The following SERPINB9 variants were observed in gnomAD, a reference collection of about 807,000 sequenced individuals.
The protein encoded by SERPINB9 is serpin family B member 9.
A neutral mutation model predicts 27.2 loss-of-function variants in SERPINB9; 20 were observed. That is an observed-to-expected ratio of 0.74 (90% CI 0.52 to 1.07). The LOEUF (loss-of-function observed/expected upper bound fraction) is 1.07. Ranked by LOEUF, SERPINB9 falls within the 50% of genes least tolerant of loss-of-function variation. The probability of loss-of-function intolerance (pLI) is 0.00; values close to 1 mark genes in which losing one functional copy is unlikely to be tolerated. For missense variants in SERPINB9, 476 were observed against 460.1 expected, an observed-to-expected ratio of 1.03 and a Z score of -0.32; for synonymous variants, 189 against 180.0, an observed-to-expected ratio of 1.05 and a Z score of -0.40.
intron 2 of SERPINB9, among the ~76,000 whole-genome samples, chr6:2,896,944 A>G (rs952505248): frequency 6.6e-6 from 1 of 151,658 alleles, no homozygotes; most frequent in Non-Finnish European, 1.5e-5. Flanking sequence ...GTTTGAGGCT[A>G]GCCTGGGCAA....
At position 2,891,490 on chromosome 6, in the gene SERPINB9, G is replaced by A. The variant is rs567260108; in HGVS notation, c.723+343C>T. Among the ~76,000 whole-genome samples the A allele has an allele frequency of 3.9e-5, 6 of 152,150 alleles. No individual in the cohort carries two copies. The highest frequency in any genetic ancestry group is 3.9e-4 in the East Asian group (2 of 5,182). On this transcript the variant is annotated intron_variant, in intron 6 of 6. Coordinates refer to ENST00000380698, the MANE Select transcript of SERPINB9 (RefSeq NM_004155.6). The surrounding 1 kb of genome is among the most constrained non-coding windows in gnomAD (Gnocchi z 4.0). Reference sequence around the variant, plus strand: ...CATAACTCTAGGAGGCAATAACCCCGAGCAGTCATTTATGCTTTTAGAGTT... The same window carrying A: ...CATAACTCTAGGAGGCAATAACCCCAAGCAGTCATTTATGCTTTTAGAGTT...
chr6:2,898,005 G>A (rs573496142), intron 2 of SERPINB9, among the ~76,000 whole-genome samples: 1 of 152,252 alleles, frequency 6.6e-6, no homozygotes, highest in East Asian at 1.9e-4. Context: ...GAACTCGGGA[G>A]TTGGAGGTCG....
chr6:2,901,689 G>A lies in SERPINB9; in HGVS notation c.-10-1068C>T, dbSNP rs546773631. The stretch of plus-strand genomic sequence containing the variant: ...GACCCTGACTCCTCCAGGTGAGCCT[G>A]GGAGACCTCCCTGACTCCTTTCCAT... On this transcript the variant is annotated intron_variant, in intron 1 of 6. Coordinates refer to ENST00000380698, the MANE Select transcript of SERPINB9 (RefSeq NM_004155.6). Among the ~76,000 whole-genome samples the A allele has an allele frequency of 1.8e-4, 28 of 152,056 alleles. No homozygotes were observed. In the South Asian group the frequency reaches 5.8e-3, roughly 32 times the overall value.
intron 2 of SERPINB9, among the ~76,000 whole-genome samples, chr6:2,897,586 T>C (rs1436300280): frequency 6.6e-6 from 1 of 152,172 alleles, no homozygotes; most frequent in African/African-American, 2.4e-5. Context: ...AGTTAAAACA[T>C]AGCATTGTTT....
At position 2,900,630 on chromosome 6, in the gene SERPINB9, G is replaced by A. The variant is rs771530250; in HGVS notation, c.-10-9C>T. ...TTTCCATGATGCAGGGCCTGGAAGG[G>A]AAGAATAAAGAGAAATGCAGTTTCC... On this transcript the variant is annotated splice_polypyrimidine_tract_variant and intron_variant, in intron 1 of 6. Coordinates refer to ENST00000380698, the MANE Select transcript of SERPINB9 (RefSeq NM_004155.6). 4.3e-6 allele frequency: 7 copies of A among 1,612,016 alleles called. No individual in the cohort carries two copies. Among genetic ancestry groups the A allele is most frequent in the Non-Finnish European group, 5.1e-6 (6 of 1,178,592 alleles).
rs757450521 is a variant in SERPINB9 at position 2,890,481 on chromosome 6, T to A, written c.813A>T (p.Lys271Asn). Residue 271 changes from lysine (K) to asparagine (N), a missense_variant, in exon 7 of 7, where the codon AAA (lysine) becomes AAT (asparagine). Transcript: ENST00000380698. This position sits in a 1 kb window ranked among gnomAD's most constrained non-coding sequence, Gnocchi z 6.2. ...TGTCATAATCCTCTTGTAGTTTAAA[T>A]TTTGGAAGGAGAACTTCAACCTCAG... is the stretch of plus-strand genomic sequence containing the variant. ...KSTEVEVLLPKFKLQEDYDME... is the reference protein window; with the variant it reads ...KSTEVEVLLPNFKLQEDYDME... The A allele has an allele frequency of 2.6e-5, 42 of 1,614,016 alleles. No individual in the cohort carries two copies. In the South Asian group the frequency reaches 4.1e-4, roughly 16 times the overall value.
At chr6:2,897,740 A>G (rs1768048034) in intron 2 of SERPINB9, among the ~76,000 whole-genome samples, 1 of 152,224 alleles carries the variant, frequency 6.6e-6, no homozygotes, top group Admixed American at 6.5e-5. Flanking sequence ...GAAAACACAC[A>G]TACATACAAA....
rs1289509851 is a variant in SERPINB9, at chr6:2,890,054, C to A, written c.*109G>T. On this transcript the variant is annotated 3_prime_UTR_variant, in exon 7 of 7. Coordinates refer to ENST00000380698, the MANE Select transcript of SERPINB9 (RefSeq NM_004155.6). This position sits in a 1 kb window ranked among gnomAD's most constrained non-coding sequence, Gnocchi z 6.2. Reference sequence around the variant, plus strand: ...TCATGAGGGCAGACAGGTAAAGAATCTGCCCTCATCTTTGCACTTGGCTTT... The same window carrying A: ...TCATGAGGGCAGACAGGTAAAGAATATGCCCTCATCTTTGCACTTGGCTTT... 9.6e-6 allele frequency: 10 copies of A among 1,046,382 alleles called. No homozygotes were observed. Among genetic ancestry groups the A allele is most frequent in the African/African-American group, 1.6e-5 (1 of 62,746 alleles). The allele number at this position is 1,046,382 out of a possible 1,614,324, so 64.8% of individuals were successfully genotyped here.
intron 1 of SERPINB9, among the ~76,000 whole-genome samples, chr6:2,902,659 A>G (rs900921320): frequency 1.2e-4 from 18 of 152,174 alleles, no homozygotes; most frequent in Non-Finnish European, 4.4e-5. Context: ...ACATTATTAC[A>G]GGCGTGGGCC....
At chr6:2,900,396 A>C in intron 2 of SERPINB9, 48 bp downstream of exon 2, 1 of 1,594,410 alleles carries the variant, frequency 6.3e-7, no homozygotes, top group South Asian at 1.1e-5. Context: ...TGGTGACAGA[A>C]CACGCAGCCC....
intron 1 of SERPINB9, among the ~76,000 whole-genome samples, chr6:2,902,153 C>G (rs889518322): frequency 9.9e-5 from 15 of 152,222 alleles, no homozygotes; most frequent in African/African-American, 3.1e-4. Flanking sequence ...CCAAAGTCAA[C>G]TCTTCACAAA....
chr6:2,901,732 C>G (rs1486650066), intron 1 of SERPINB9, among the ~76,000 whole-genome samples: 1 of 152,048 alleles, frequency 6.6e-6, no homozygotes, highest in Admixed American at 6.5e-5. Flanking sequence ...TCCTCCCCCA[C>G]ACCCATCCCC....
chr6:2,901,665 A>T (rs1211244256), intron 1 of SERPINB9, among the ~76,000 whole-genome samples: 1 of 151,868 alleles, frequency 6.6e-6, no homozygotes, highest in East Asian at 1.9e-4. Flanking sequence ...TGGAAATGAG[A>T]CCCTGACTCC....
chr6:2,891,797 G>C lies in SERPINB9; in HGVS notation c.723+36C>G, dbSNP rs1389874509. On this transcript the variant is annotated intron_variant, in intron 6 of 6. Transcript: ENST00000380698. This position sits in a 1 kb window ranked among gnomAD's most constrained non-coding sequence, Gnocchi z 4.0. ...GTGGCACTCGAGTTCTGCCCGCAAA[G>C]GTGTCCCTGGGTTCTTCCCGCAGCC... 1.7e-5 allele frequency: 27 copies of C among 1,555,064 alleles called. No homozygotes were observed. Among genetic ancestry groups the C allele is most frequent in the Non-Finnish European group, 2.3e-5 (27 of 1,159,178 alleles).
At chr6:2,901,937 C>G (rs1471195019) in intron 1 of SERPINB9, among the ~76,000 whole-genome samples, 2 of 151,928 alleles carry the variant, frequency 1.3e-5, no homozygotes, top group African/African-American at 4.9e-5. Flanking sequence ...CCCCCAGCCA[C>G]CCCCACGCCA....
chr6:2,901,134 C>T (rs1455078879), intron 1 of SERPINB9, among the ~76,000 whole-genome samples: 5 of 152,208 alleles, frequency 3.3e-5, no homozygotes, highest in Non-Finnish European at 7.3e-5. Flanking sequence ...CAGAGACAGA[C>T]AGCTGTGAGG....
At position 2,889,891 on chromosome 6, in the gene SERPINB9, TAGA is replaced by T. The variant is rs1767728673; in HGVS notation, c.*269_*271del. ...CCAGAGTGAATTGCATGTGGAATTC[TAGA>T]AGAACTTTGCTTGCCATCCTATGGG... On this transcript the variant is annotated 3_prime_UTR_variant, in exon 7 of 7. Coordinates refer to ENST00000380698, the MANE Select transcript of SERPINB9 (RefSeq NM_004155.6). 2.8e-6 allele frequency: 1 copy of T among 351,830 alleles called. No homozygotes were observed. Among genetic ancestry groups the T allele is most frequent in the Non-Finnish European group, 5.2e-6 (1 of 191,980 alleles). 21.8% of individuals were successfully genotyped at this position (351,830 alleles called of 1,614,324 possible).
chr6:2,900,055 A>C (rs1768142554), intron 2 of SERPINB9: 1 of 390,146 alleles, frequency 2.6e-6, no homozygotes, highest in African/African-American at 2.1e-5. Flanking sequence ...AACTTGAAAC[A>C]GGTATTAACC....
intron 2 of SERPINB9, among the ~76,000 whole-genome samples, chr6:2,897,585 A>G (rs1165989807): frequency 6.6e-6 from 1 of 152,252 alleles, no homozygotes; most frequent in Non-Finnish European, 1.5e-5. Flanking sequence ...AAGTTAAAAC[A>G]TAGCATTGTT....
Sources: gnomAD v4.1 joint callset for allele counts (sites outside exome capture counted in the v4.1 genomes callset) on GRCh38, gnomAD v4.1.1 for gene constraint, Gnocchi (gnomAD v3.1) non-coding constraint, MANE v1.5 for transcripts, NCBI Gene and HGNC (gene_info 2026-07-23, HGNC 2026-07-21) for gene names.